Variants in TRDN observed in about 807,000 individuals in gnomAD.
TRDN encodes the protein triadin, also known as triadin in skeletal muscle.
TRDN carries 161 observed loss-of-function variants against 149.7 expected under a neutral mutation model. That is an observed-to-expected ratio of 1.08 (90% CI 0.95 to 1.23). The LOEUF is 1.23. TRDN is among the 50% of genes most tolerant of loss of function. The pLI is 0.00. For synonymous variants in TRDN, 294 were observed against 250.5 expected (o/e 1.17, Z -1.64); for missense variants, 896 against 823.5 (o/e 1.09, Z -1.08).
At chr6:123,235,587 G>A (rs1775756014) in intron 38 of TRDN, among the ~76,000 whole-genome samples, 1 of 152,148 alleles carries the variant, frequency 6.6e-6, no homozygotes, top group Admixed American at 6.6e-5. Context: ...TAATCACACA[G>A]TAAATTGAGT....
intron 2 of TRDN, among the ~76,000 whole-genome samples, chr6:123,560,517 A>G (rs1334740247): frequency 2.0e-5 from 3 of 152,212 alleles, no homozygotes; most frequent in Non-Finnish European, 4.4e-5. Context: ...AAAAGGCATC[A>G]GATCCCATCA....
intron 36 of TRDN, 27 bp downstream of exon 36, chr6:123,255,840 C>A: frequency 7.6e-7 from 1 of 1,316,220 alleles, no homozygotes; most frequent in South Asian, 1.8e-5. Flanking sequence ...GCTTTGCATT[C>A]TATTTTTTAT....
At chr6:123,560,232 G>A (rs898603532) in intron 2 of TRDN, among the ~76,000 whole-genome samples, 1 of 151,952 alleles carries the variant, frequency 6.6e-6, no homozygotes, top group African/African-American at 2.4e-5. Flanking sequence ...TTCTCACACC[G>A]GACGCATATA....
At chr6:123,232,760 C>G (rs1324658323) in intron 38 of TRDN, among the ~76,000 whole-genome samples, 1 of 151,992 alleles carries the variant, frequency 6.6e-6, no homozygotes, top group Non-Finnish European at 1.5e-5. Context: ...AGAAGGCAAA[C>G]TTTGAAGAAC....
intron 9 of TRDN, among the ~76,000 whole-genome samples, chr6:123,474,575 C>G (rs1296599373): frequency 1.3e-5 from 2 of 152,122 alleles, no homozygotes; most frequent in African/African-American, 4.8e-5. Flanking sequence ...CCAAGCCGAC[C>G]TAATAGACAT....
At chr6:123,288,258 C>A (rs544215292) in intron 24 of TRDN, among the ~76,000 whole-genome samples, 41 of 152,110 alleles carry the variant, frequency 2.7e-4, no homozygotes, top group African/African-American at 9.6e-4. Flanking sequence ...TGATAGAAGA[C>A]TTAATATAAG....
At chr6:123,311,893 A>G (rs1011953448) in intron 24 of TRDN, among the ~76,000 whole-genome samples, 2 of 151,970 alleles carry the variant, frequency 1.3e-5, no homozygotes, top group African/African-American at 4.8e-5. Flanking sequence ...GACAGTAGAT[A>G]TGGCAAAAAA....
intron 1 of TRDN, among the ~76,000 whole-genome samples, chr6:123,631,590 T>A (rs1786010429): frequency 6.6e-6 from 1 of 152,174 alleles, no homozygotes; most frequent in Non-Finnish European, 1.5e-5. Context: ...CTGTTCAATT[T>A]AGAGAGTAAT....
chr6:123,359,574 T>G (rs1194660264), intron 20 of TRDN, among the ~76,000 whole-genome samples: 1 of 152,152 alleles, frequency 6.6e-6, no homozygotes, highest in Non-Finnish European at 1.5e-5. Flanking sequence ...AGGCTTGAAT[T>G]AGTATGGCAG....
intron 6 of TRDN, among the ~76,000 whole-genome samples, chr6:123,514,181 A>G (rs1779314932): frequency 1.3e-5 from 2 of 152,138 alleles, no homozygotes; most frequent in East Asian, 1.9e-4. Flanking sequence ...CCTGGCCAAC[A>G]TGGCAAAAAC....
At chr6:123,376,276 G>A (rs1258068333) in intron 18 of TRDN, among the ~76,000 whole-genome samples, 1 of 152,144 alleles carries the variant, frequency 6.6e-6, no homozygotes, top group Non-Finnish European at 1.5e-5. Flanking sequence ...TATGCTTGAG[G>A]AAATGCAACT....
chr6:123,315,754 T>G (rs1778999375), intron 24 of TRDN, among the ~76,000 whole-genome samples: 1 of 151,934 alleles, frequency 6.6e-6, no homozygotes. Context: ...GAAATTTTCC[T>G]TAGGATTTAG....
chr6:123,246,339 G>A (rs1406322917), intron 38 of TRDN, among the ~76,000 whole-genome samples: 1 of 151,940 alleles, frequency 6.6e-6, no homozygotes, highest in Non-Finnish European at 1.5e-5. Context: ...CCACTAGCCA[G>A]ACTAATACAG....
chr6:123,372,580 C>G (rs545344703), intron 19 of TRDN, among the ~76,000 whole-genome samples: 1 of 152,096 alleles, frequency 6.6e-6, no homozygotes, highest in African/African-American at 2.4e-5. Context: ...CCCTAAGGTC[C>G]TTGAGGTGGA....
chr6:123,300,676 T>C (rs2114668353), intron 24 of TRDN, among the ~76,000 whole-genome samples: 1 of 152,046 alleles, frequency 6.6e-6, no homozygotes, highest in East Asian at 1.9e-4. Context: ...AGCACTCAAG[T>C]CACATGAAAT....
intron 24 of TRDN, among the ~76,000 whole-genome samples, chr6:123,280,361 G>A (rs888682899): frequency 6.6e-5 from 10 of 152,204 alleles, no homozygotes; most frequent in South Asian, 2.1e-4. Context: ...GTTCAATAGC[G>A]TCAATCTTCC....
chr6:123,621,096 C>A (rs924429772), intron 1 of TRDN, among the ~76,000 whole-genome samples: 1 of 152,072 alleles, frequency 6.6e-6, no homozygotes, highest in Non-Finnish European at 1.5e-5. Context: ...ACATGACATT[C>A]AATCAATATT....
chr6:123,285,554 T>C (rs1243856815), intron 24 of TRDN, among the ~76,000 whole-genome samples: 2 of 152,112 alleles, frequency 1.3e-5, no homozygotes, highest in Non-Finnish European at 2.9e-5. Context: ...CATCAAGGGC[T>C]TAAAACTAAG....
intron 4 of TRDN, among the ~76,000 whole-genome samples, chr6:123,545,519 C>T (rs768566346): frequency 2.0e-5 from 3 of 151,772 alleles, no homozygotes; most frequent in Non-Finnish European, 2.9e-5. Context: ...CCTCTGTACC[C>T]AAGATAGAGC....
Sources: gnomAD v4.1 joint callset for allele counts (sites outside exome capture counted in the v4.1 genomes callset) on GRCh38, gnomAD v4.1.1 for gene constraint, MANE v1.5 for transcripts, NCBI Gene and HGNC (gene_info 2026-07-23, HGNC 2026-07-21) for gene names.